Variants in SMIM27 observed in about 807,000 individuals in gnomAD.
The protein encoded by SMIM27 is TOPORS antisense RNA 1 (non-protein coding).
A neutral mutation model predicts 1.8 loss-of-function variants in SMIM27; 3 were observed. The ratio of observed to expected loss-of-function variants is 1.65; its 90% CI spans 0.75 to 4.28. The LOEUF (loss-of-function observed/expected upper bound fraction) is 4.28. Among genes scored for constraint, SMIM27 ranks in the 30% most tolerant of loss-of-function variants. The pLI, the probability that SMIM27 is intolerant of heterozygous loss-of-function variation, is 0.02. For synonymous variants in SMIM27, 19 were observed against 13.9 expected (o/e 1.37, Z -0.82); for missense variants, 63 against 37.0 (o/e 1.70, Z -1.83).
downstream of SMIM27, among the ~76,000 whole-genome samples, chr9:32,556,402 G>A (rs958471827): frequency 3.3e-5 from 5 of 152,198 alleles, no homozygotes; most frequent in Non-Finnish European, 5.9e-5. Context: ...CCTCATATTC[G>A]ATAGGCACGG....
At chr9:32,553,958 G>A (rs75102800), downstream of SMIM27, 1 of 1,529,214 alleles carries the variant, frequency 6.5e-7, no homozygotes, top group South Asian at 1.1e-5. Flanking sequence ...GGAAAACAAA[G>A]ATACAGTTAG....
chr9:32,553,748 G>A (rs2118993182), downstream of SMIM27: 1 of 678,048 alleles, frequency 1.5e-6, no homozygotes, highest in East Asian at 2.8e-5. Context: ...ATTGTACAAT[G>A]CTTGAAAACA....
At chr9:32,559,493 G>A (rs1000838319) in intron 1 of SMIM27, among the ~76,000 whole-genome samples, 1 of 152,144 alleles carries the variant, frequency 6.6e-6, no homozygotes, top group Non-Finnish European at 1.5e-5. Context: ...TAGAGAAAAA[G>A]CCAGTCTTTT....
intron 1 of SMIM27, among the ~76,000 whole-genome samples, chr9:32,565,806 T>C: frequency 6.6e-6 from 1 of 152,098 alleles, no homozygotes; most frequent in East Asian, 1.9e-4. Flanking sequence ...ACCCTGTCTC[T>C]ACTAAAAATA....
chr9:32,552,094 C>T, upstream of SMIM27: 1 of 521,744 alleles, frequency 1.9e-6, no homozygotes, highest in Non-Finnish European at 3.5e-6. Flanking sequence ...TAAATGGACA[C>T]GACAGCACCT....
At chr9:32,559,732 T>C (rs1201234717) in intron 1 of SMIM27, among the ~76,000 whole-genome samples, 1 of 152,198 alleles carries the variant, frequency 6.6e-6, no homozygotes, top group Non-Finnish European at 1.5e-5. Flanking sequence ...CTCTAGTTTT[T>C]ACCCTGCTTA....
At chr9:32,566,042 G>A in intron 1 of SMIM27, 1 of 358,562 alleles carries the variant, frequency 2.8e-6, no homozygotes, top group Non-Finnish European at 5.1e-6. Flanking sequence ...TATTTTTTAA[G>A]GTTTTTTCCA....
chr9:32,566,118 G>A lies in SMIM27; in HGVS notation c.46-273G>A, dbSNP rs540226253. The A allele has an allele frequency of 5.5e-5, 29 of 529,572 alleles. 1 individual carries two copies. The highest frequency in any genetic ancestry group is 5.2e-4 in the South Asian group (18 of 34,894). The allele number at this position is 529,572 out of a possible 1,614,324, so 32.8% of individuals were successfully genotyped here. A position where few individuals can be genotyped will look rare whatever the true frequency, so the allele number is the denominator to read the frequency against. ...TAAAATTATGCCCACGACAGGCCTC[G>A]AACAAAGACGAGAATATGGTGTGTA... On this transcript the variant is annotated intron_variant, in intron 1 of 1. Coordinates refer to the SMIM27 transcript ENST00000451672.
downstream of SMIM27, among the ~76,000 whole-genome samples, chr9:32,555,583 T>C (rs547166470): frequency 6.6e-6 from 1 of 152,358 alleles, no homozygotes; most frequent in Admixed American, 6.5e-5. Context: ...AATATTTTTC[T>C]TTTCATGCTT....
At chr9:32,552,247 C>T (rs1821295272), upstream of SMIM27, 1 of 745,072 alleles carries the variant, frequency 1.3e-6, no homozygotes, top group African/African-American at 1.8e-5. Context: ...GGCAAGGCCC[C>T]CGATCACGTG....
At chr9:32,551,299 G>T (rs915999980), upstream of SMIM27, 2 of 486,460 alleles carry the variant, frequency 4.1e-6, no homozygotes, top group Admixed American at 3.3e-5. Flanking sequence ...AAACTCTGCG[G>T]AAACTTAGGA....
At chr9:32,556,589 A>G (rs1454040377), downstream of SMIM27, among the ~76,000 whole-genome samples, 1 of 152,240 alleles carries the variant, frequency 6.6e-6, no homozygotes, top group Admixed American at 6.5e-5. Flanking sequence ...AGAAACAAGA[A>G]AGAACCACAG....
At chr9:32,566,719 G>T in exon 2 of SMIM27, 2 of 861,582 alleles carry the variant, frequency 2.3e-6, no homozygotes, top group Non-Finnish European at 2.0e-6. Context: ...TTCCAAAATC[G>T]GGACTCCAAG....
chr9:32,552,267 C>A, upstream of SMIM27: 1 of 927,794 alleles, frequency 1.1e-6, no homozygotes, highest in South Asian at 1.4e-5. Flanking sequence ...GATACCGCCC[C>A]CCAACTCCGG....
At chr9:32,551,477 G>A, upstream of SMIM27, 1 of 266,172 alleles carries the variant, frequency 3.8e-6, no homozygotes, top group Non-Finnish European at 7.6e-6. Flanking sequence ...AGGCTGGGGA[G>A]AAACAGGACA....
At chr9:32,552,314 T>C (rs1385514861), upstream of SMIM27, 2 of 1,418,090 alleles carry the variant, frequency 1.4e-6, no homozygotes, top group Non-Finnish European at 1.9e-6. Context: ...ACGAAGCGAG[T>C]GGGCGGGCGC....
chr9:32,558,956 T>A, intron 1 of SMIM27: 2 of 1,579,994 alleles, frequency 1.3e-6, no homozygotes, highest in Non-Finnish European at 1.7e-6. Context: ...TGGTTTTTCC[T>A]GTAATAAAAG....
chr9:32,565,712 C>G (rs981929171), intron 1 of SMIM27: 17 of 153,662 alleles, frequency 1.1e-4, no homozygotes, highest in African/African-American at 4.1e-4. Flanking sequence ...AGGCCCACGC[C>G]TGTAATCCCA....
chr9:32,563,652 G>A (rs1004504824), intron 1 of SMIM27, among the ~76,000 whole-genome samples: 1 of 151,928 alleles, frequency 6.6e-6, no homozygotes, highest in Non-Finnish European at 1.5e-5. Context: ...ATGTTCCTTA[G>A]CTGAATTAAA....
Sources: allele counts gnomAD v4.1 joint callset (sites outside exome capture counted in the v4.1 genomes callset), GRCh38; gene constraint gnomAD v4.1.1; transcripts MANE v1.5; gene names NCBI Gene and HGNC (gene_info 2026-07-23, HGNC 2026-07-21).